LYPLAL1: variants seen among roughly 807,000 people sequenced by gnomAD.
The protein encoded by LYPLAL1 is lysophospholipase like 1.
In LYPLAL1, 23 loss-of-function variants were observed where a neutral mutation model predicts 19.7. The observed-to-expected ratio is 1.17, with a 90% CI of 0.84 to 1.65. The LOEUF (loss-of-function observed/expected upper bound fraction) is 1.65, where lower values mean the gene tolerates loss of function less well. LYPLAL1 is among the 40% of genes most tolerant of loss of function. The pLI is 0.00. For missense variants in LYPLAL1, 355 were observed against 279.4 expected (o/e 1.27, Z -1.93); for synonymous variants, 119 against 96.3 (o/e 1.24, Z -1.38).
the LYPLAL1 span, among the ~76,000 whole-genome samples, chr1:219,326,660 A>G: frequency 8.5e-5 from 13 of 152,180 alleles, no homozygotes; most frequent in Admixed American, 5.2e-4. Context: ...TGTGGACCCT[A>G]GTAACTTAAA....
At chr1:219,264,609 G>A in the LYPLAL1 span, among the ~76,000 whole-genome samples, 18 of 152,124 alleles carry the variant, frequency 1.2e-4, no homozygotes, top group African/African-American at 1.7e-4. Context: ...TTGGGTTGGG[G>A]GTGGGCAGTC....
the LYPLAL1 span, among the ~76,000 whole-genome samples, chr1:219,419,539 C>T: frequency 7.9e-6 from 1 of 127,180 alleles, no homozygotes; most frequent in Non-Finnish European, 1.7e-5. Flanking sequence ...GGTTTCTGAG[C>T]CCTAGCCCAA....
At chr1:219,222,956 C>G in the LYPLAL1 span, 1 of 152,180 alleles carries the variant, frequency 6.6e-6, no homozygotes, top group Non-Finnish European at 1.5e-5. Context: ...CTAATGTATT[C>G]TTGAGGGCAG....
At chr1:219,425,104 C>T in the LYPLAL1 span, among the ~76,000 whole-genome samples, 3 of 152,092 alleles carry the variant, frequency 2.0e-5, no homozygotes, top group African/African-American at 7.2e-5. Flanking sequence ...CACTGATAGA[C>T]TCTAGTGAGG....
the LYPLAL1 span, among the ~76,000 whole-genome samples, chr1:219,343,931 T>C: frequency 2.0e-5 from 3 of 152,174 alleles, no homozygotes; most frequent in African/African-American, 7.2e-5. Flanking sequence ...AGGTGGTATC[T>C]CCACAGCTAA....
chr1:219,242,501 A>G, the LYPLAL1 span, among the ~76,000 whole-genome samples: 3 of 152,098 alleles, frequency 2.0e-5, no homozygotes, highest in Non-Finnish European at 4.4e-5. Flanking sequence ...GACCTTTACA[A>G]TGCCTGCCTT....
the LYPLAL1 span, among the ~76,000 whole-genome samples, chr1:219,378,937 C>T: frequency 6.6e-6 from 1 of 152,158 alleles, no homozygotes; most frequent in Admixed American, 6.5e-5. Flanking sequence ...AGGGGGAGAG[C>T]TTGTTCACCA....
chr1:219,266,687 A>G, the LYPLAL1 span, among the ~76,000 whole-genome samples: 1 of 152,166 alleles, frequency 6.6e-6, no homozygotes, highest in Non-Finnish European at 1.5e-5. Flanking sequence ...CAGCATCACC[A>G]CAAACATGTG....
the LYPLAL1 span, among the ~76,000 whole-genome samples, chr1:219,276,414 A>G: frequency 3.9e-5 from 6 of 152,108 alleles, no homozygotes; most frequent in Admixed American, 1.3e-4. Context: ...TTTACAGTGG[A>G]CTCTTTCAAA....
intron 3 of LYPLAL1, 125 bp from the exon 4 acceptor site, chr1:219,210,407 G>A (rs1468407854): frequency 1.8e-5 from 11 of 623,856 alleles, no homozygotes; most frequent in Middle Eastern, 4.7e-4. Context: ...TAGAGTAGAC[G>A]AAATTTCTTT....
the LYPLAL1 span, among the ~76,000 whole-genome samples, chr1:219,311,418 A>G: frequency 6.6e-6 from 1 of 152,180 alleles, no homozygotes; most frequent in African/African-American, 2.4e-5. Flanking sequence ...GCTTGGAACT[A>G]TGGAACAAAT....
chr1:219,211,558 G>C lies in LYPLAL1; in HGVS notation c.544G>C (p.Val182Leu). 4 of 1,613,376 alleles carry C rather than the reference G, an allele frequency of 2.5e-6. No individual in the cohort carries two copies. The highest frequency in any genetic ancestry group is 3.4e-6 in the Non-Finnish European group (4 of 1,179,536). Residue 182 changes from valine (V) to leucine (L), a missense_variant, in exon 5 of 5, where the codon GTT (valine) becomes CTT (leucine). Physicochemically the swap from Val to Leu is conservative, Grantham distance 32 (BLOSUM62 1). Coordinates refer to ENST00000366928, the MANE Select transcript of LYPLAL1 (RefSeq NM_138794.5). ...FQCHGTADEL[V>L]LHSWAEETNS... ...GTGTCATGGTACTGCAGATGAGTTA[G>C]TTCTTCATTCTTGGGCAGAAGAGAC... is the stretch of plus-strand genomic sequence containing the variant.
the LYPLAL1 span, among the ~76,000 whole-genome samples, chr1:219,321,158 T>C: frequency 6.6e-6 from 1 of 152,204 alleles, no homozygotes; most frequent in Non-Finnish European, 1.5e-5. Context: ...TGGTATCTCA[T>C]TGTGGTTTTG....
At chr1:219,245,463 C>A in the LYPLAL1 span, among the ~76,000 whole-genome samples, 1 of 152,140 alleles carries the variant, frequency 6.6e-6, no homozygotes, top group Non-Finnish European at 1.5e-5. Flanking sequence ...ACCCCCAACT[C>A]AACACAGGCA....
At chr1:219,364,187 CATA>C in the LYPLAL1 span, among the ~76,000 whole-genome samples, 4 of 152,104 alleles carry the variant, frequency 2.6e-5, no homozygotes, top group African/African-American at 9.7e-5. Flanking sequence ...TCCAATTCTT[CATA>C]ATGTCATTGA....
At chr1:219,267,394 C>A in the LYPLAL1 span, among the ~76,000 whole-genome samples, 2 of 152,166 alleles carry the variant, frequency 1.3e-5, no homozygotes, top group East Asian at 3.9e-4. Flanking sequence ...TTAGCCAACC[C>A]CTATCTACTC....
At chr1:219,289,262 C>T in the LYPLAL1 span, among the ~76,000 whole-genome samples, 1 of 151,942 alleles carries the variant, frequency 6.6e-6, no homozygotes. Flanking sequence ...TTAGTCTGTC[C>T]ACCTCCCAAT....
At chr1:219,324,370 C>T in the LYPLAL1 span, among the ~76,000 whole-genome samples, 2 of 152,168 alleles carry the variant, frequency 1.3e-5, no homozygotes, top group African/African-American at 4.8e-5. Flanking sequence ...GTCAGCTCTG[C>T]AAACAGTACT....
chr1:219,236,585 A>T, the LYPLAL1 span, among the ~76,000 whole-genome samples: 6 of 152,222 alleles, frequency 3.9e-5, no homozygotes, highest in Non-Finnish European at 8.8e-5. Flanking sequence ...AAAACAGTCC[A>T]TTCATTCCTA....
Sources: allele counts gnomAD v4.1 joint callset (sites outside exome capture counted in the v4.1 genomes callset), GRCh38; gene constraint gnomAD v4.1.1; transcripts MANE v1.5; gene names NCBI Gene and HGNC (gene_info 2026-07-23, HGNC 2026-07-21).